The following ZSCAN29 variants were observed in gnomAD, a reference collection of about 807,000 sequenced individuals.
ZSCAN29 encodes zinc finger and SCAN domain containing 29, also known as zinc finger and SCAN domain-containing protein 29.
ZSCAN29 carries 55 observed loss-of-function variants against 71.9 expected under a neutral mutation model. The ratio of observed to expected loss-of-function variants is 0.76; its 90% CI spans 0.62 to 0.96. ZSCAN29 has a LOEUF of 0.96. Among genes scored for constraint, ZSCAN29 ranks in the 40% least tolerant of loss-of-function variants. ZSCAN29 has a pLI of 0.00. For missense variants in ZSCAN29, 1,042 were observed against 1,042.2 expected (o/e 1.00, Z 0.00); for synonymous variants, 351 against 371.6 (o/e 0.94, Z 0.64).
In ZSCAN29 at chr15:43,364,307, C is replaced by T. The variant is rs751019557; in HGVS notation, c.1298G>A (p.Arg433Gln). 1.8e-5 allele frequency: 29 copies of T among 1,614,004 alleles called. No individual in the cohort carries two copies. The Admixed American group carries it at 2.2e-4, about 12-fold the overall frequency. Residue 433 changes from arginine (R) to glutamine (Q), a missense_variant, in exon 5 of 6, where the codon CGG (arginine) becomes CAG (glutamine). Physicochemically the swap from Arg to Gln is conservative, Grantham distance 43. Transcript: ENST00000684362. ...LSETQFYEAL[R>Q]NCHRNSQLYG... ...CAGCTGGCTGTTGCGGTGACAGTTC[C>T]GGAGGGCTTCATAAAACTGGGTCTC...
In ZSCAN29 at chr15:43,366,645, GCTT is replaced by G. The variant is rs768265978; in HGVS notation, c.684_686del (p.Arg228del). 7 of 1,614,218 alleles carry G rather than the reference GCTT, an allele frequency of 4.3e-6. No homozygotes were observed. The highest frequency in any genetic ancestry group is 2.5e-6 in the Non-Finnish European group (3 of 1,180,048). On this transcript the variant is annotated inframe_deletion, in exon 4 of 6. Transcript: ENST00000684362. ...AGCTCCAGTGATCCTGTTCCACCCA[GCTT>G]CTTCTATCTTTCTTGGATGGTAACA...
chr15:43,363,195 T>TC, intron 5 of ZSCAN29, among the ~76,000 whole-genome samples: 1 of 152,120 alleles, frequency 6.6e-6, no homozygotes, highest in South Asian at 2.1e-4. Flanking sequence ...GTCAGGCTGC[T>TC]TTCCAACTCC....
intron 4 of ZSCAN29, 34 bp downstream of exon 4, chr15:43,366,076 T>C: frequency 6.4e-7 from 1 of 1,557,788 alleles, no homozygotes; most frequent in Non-Finnish European, 8.7e-7. Context: ...TCCCCAAGTC[T>C]AATTCCAAAA....
In ZSCAN29 at chr15:43,371,012, A is replaced by G. The variant is rs537713598; in HGVS notation, c.-567T>C. 711 of 218,784 alleles carry G rather than the reference A, an allele frequency of 3.2e-3. 4 individuals carry two copies. Among genetic ancestry groups the G allele is most frequent in the African/African-American group, 0.015 (639 of 41,596 alleles). 13.6% of individuals were successfully genotyped at this position (218,784 alleles called of 1,614,324 possible). ...GCCCCGGCCCCGGCCCCGGCTCTCC[A>G]GCCTCCCAAGTACAGCTCCCAAACC... On this transcript the variant is annotated 5_prime_UTR_variant, in exon 1 of 6. Coordinates refer to ENST00000684362, the MANE Select transcript of ZSCAN29 (RefSeq NM_001372080.1).
In ZSCAN29 at chr15:43,361,377, T is replaced by C; in HGVS notation, c.2255A>G (p.His752Arg). The change falls in exon 6 of 6, where the codon CAC becomes CGC. Residue 752 changes from histidine (H) to arginine (R), a missense_variant. Physicochemically the swap from His to Arg is conservative, Grantham distance 29 (BLOSUM62 0). Transcript: ENST00000684362. ...CFNQSSSLII[H>R]QRTHTGEKPY... ...CTTTTCTCCTGTGTGGGTTCTCTGG[T>C]GAATGATAAGGCTTGAGCTCTGATT... The C allele has an allele frequency of 6.2e-7, 1 of 1,614,214 alleles. No homozygotes were observed. The highest frequency in any genetic ancestry group is 8.5e-7 in the Non-Finnish European group (1 of 1,180,032).
chr15:43,364,046 G>T lies in ZSCAN29; in HGVS notation c.1559C>A (p.Ala520Asp). The T allele has an allele frequency of 3.1e-6, 5 of 1,614,132 alleles. No individual in the cohort carries two copies. The highest frequency in any genetic ancestry group is 4.2e-6 in the Non-Finnish European group (5 of 1,180,038). ...ASCPVQGTSEAEAQKQAEEAD... is the reference protein window; with the variant it reads ...ASCPVQGTSEDEAQKQAEEAD... ...TTCCTCAGCTTGCTTCTGAGCTTCA[G>T]CCTCACTGGTCCCCTGGACGGGGCA... The change falls in exon 5 of 6, where the codon GCT becomes GAT. Residue 520 changes from alanine (A) to aspartate (D), a missense_variant. Transcript: ENST00000684362.
In ZSCAN29 at chr15:43,363,921, G is replaced by A. The variant is rs1265819008; in HGVS notation, c.1684C>T (p.Pro562Ser). 6.3e-7 allele frequency: 1 copy of A among 1,590,056 alleles called. No homozygotes were observed. The highest frequency in any genetic ancestry group is 2.3e-5 in the East Asian group (1 of 44,428). The change falls in exon 5 of 6, where the codon CCC becomes TCC. Residue 562 changes from proline to serine, a missense_variant. Transcript: ENST00000684362. ...AATAGTGAAATAATCTTACCACGGG[G>A]GCTTTGGAATAACACTGGAGCACGG... is the stretch of plus-strand genomic sequence containing the variant. ...ITRAPVLFQS[P>S]RGFEAGFENE...
Position 43,366,304 on chromosome 15 carries a change from A to C in ZSCAN29, c.1028T>G (p.Leu343Arg). ...GCCAGAGTGAGAGGCTGCTGCTTCC[A>C]GGCCATTACTGGGCAGGGCAATGAC... ...AQVIALPSNG[L>R]EAAASHSGLV... Residue 343 changes from leucine (L) to arginine (R), a missense_variant, in exon 4 of 6, where the codon CTG (leucine) becomes CGG (arginine). Physicochemically the swap from Leu to Arg is moderately radical, Grantham distance 102. Transcript: ENST00000684362. 3.7e-6 allele frequency: 6 copies of C among 1,613,070 alleles called. No individual in the cohort carries two copies. Among genetic ancestry groups the C allele is most frequent in the Non-Finnish European group, 4.2e-6 (5 of 1,180,028 alleles).
rs748063134 is a variant in ZSCAN29 at position 43,359,304 on chromosome 15, G to A, written c.*1769C>T. The A allele has an allele frequency of 2.0e-5, 3 of 152,278 alleles. No homozygotes were observed. Among genetic ancestry groups the A allele is most frequent in the Non-Finnish European group, 4.4e-5 (3 of 68,058 alleles). The allele number at this position is 152,278 out of a possible 1,614,324, so 9.4% of individuals were successfully genotyped here. A position where few individuals can be genotyped will look rare whatever the true frequency, so the allele number is the denominator to read the frequency against. ...CATGTGCACTTGTTTGTCCATGTCA[G>A]TGTCATCTGCTTTAGATTGTAAGGA... On this transcript the variant is annotated 3_prime_UTR_variant, in exon 6 of 6. Transcript: ENST00000684362.
intron 2 of ZSCAN29, 89 bp downstream of exon 2, chr15:43,369,507 C>A: frequency 7.1e-7 from 1 of 1,402,416 alleles, no homozygotes; most frequent in Non-Finnish European, 9.8e-7. Flanking sequence ...CCAAGGGAGA[C>A]TGTGTCCCTC....
intron 5 of ZSCAN29, 41 bp from the exon 6 acceptor site, chr15:43,361,982 A>G (rs1458188132): frequency 1.3e-6 from 2 of 1,561,184 alleles, no homozygotes; most frequent in African/African-American, 2.7e-5. Context: ...TATTTTCTTA[A>G]TCATATGTGC....
intron 4 of ZSCAN29, among the ~76,000 whole-genome samples, chr15:43,364,802 C>T (rs539846041): frequency 2.2e-4 from 32 of 144,712 alleles, no homozygotes; most frequent in Admixed American, 2.2e-3. Flanking sequence ...GCATGAGAAT[C>T]GAGAATCGCT....
At chr15:43,366,855 A>G in intron 3 of ZSCAN29, 47 bp from the exon 4 acceptor site, 1 of 1,509,958 alleles carries the variant, frequency 6.6e-7, no homozygotes. Flanking sequence ...TGGACTGATT[A>G]TCACAAAAAT....
At chr15:43,367,232 A>T (rs1012344909) in intron 3 of ZSCAN29, among the ~76,000 whole-genome samples, 1 of 152,120 alleles carries the variant, frequency 6.6e-6, no homozygotes, top group Non-Finnish European at 1.5e-5. Flanking sequence ...AAAGGTGTTC[A>T]CCTTAGTAGT....
chr15:43,361,398 T>C lies in ZSCAN29; in HGVS notation c.2234A>G (p.Gln745Arg). ...CTGGTGAATGATAAGGCTTGAGCTC[T>C]GATTGAAGCATTTCCCACACTCACC... ...QCGECGKCFN[Q>R]SSSLIIHQRT... Residue 745 changes from glutamine to arginine, a missense_variant, in exon 6 of 6, where the codon CAG becomes CGG. Physicochemically the swap from Gln to Arg is conservative, Grantham distance 43 (BLOSUM62 1). Transcript: ENST00000684362. The C allele has an allele frequency of 6.2e-7, 1 of 1,614,238 alleles. No homozygotes were observed. Among genetic ancestry groups the C allele is most frequent in the Non-Finnish European group, 8.5e-7 (1 of 1,180,030 alleles).
chr15:43,359,985 A>T lies in ZSCAN29; in HGVS notation c.*1088T>A, dbSNP rs960625806. 7.2e-5 allele frequency: 11 copies of T among 152,308 alleles called. No individual in the cohort carries two copies. The highest frequency in any genetic ancestry group is 2.6e-4 in the African/African-American group (11 of 41,562). The allele number at this position is 152,308 out of a possible 1,614,324, so 9.4% of individuals were successfully genotyped here. ...GGTAAATGAAGAGGGTGCCTGACAA[A>T]TATGTCATTTTGAGCACAGGTTTAA... is the stretch of plus-strand genomic sequence containing the variant. On this transcript the variant is annotated 3_prime_UTR_variant, in exon 6 of 6. Coordinates refer to ENST00000684362, the MANE Select transcript of ZSCAN29 (RefSeq NM_001372080.1).
chr15:43,368,135 T>C (rs1412822678), intron 3 of ZSCAN29, among the ~76,000 whole-genome samples: 1 of 152,200 alleles, frequency 6.6e-6, no homozygotes, highest in African/African-American at 2.4e-5. Context: ...TAACAGACTT[T>C]CAGGAAAATA....
chr15:43,369,651 T>C lies in ZSCAN29; in HGVS notation c.263A>G (p.Glu88Gly). Reference sequence around the variant, plus strand: ...TAAATCTTCCACGAGAGTCACTGCCTCCTCTCCATTTTCTGGACATTGTTC... The same window carrying C: ...TAAATCTTCCACGAGAGTCACTGCCCCCTCTCCATTTTCTGGACATTGTTC... The part of the protein sequence containing the change: ...VQEQCPENGE[E>G]AVTLVEDLER... The change falls in exon 2 of 6, where the codon GAG becomes GGG. Residue 88 changes from glutamate to glycine, a missense_variant. Transcript: ENST00000684362. 3.1e-6 allele frequency: 5 copies of C among 1,614,170 alleles called. No individual in the cohort carries two copies. The highest frequency in any genetic ancestry group is 4.2e-6 in the Non-Finnish European group (5 of 1,180,016).
chr15:43,361,399 G>A lies in ZSCAN29; in HGVS notation c.2233C>T (p.Gln745Ter), dbSNP rs1296111851. 3 of 1,613,848 alleles carry A rather than the reference G, an allele frequency of 1.9e-6. No individual in the cohort carries two copies. The highest frequency in any genetic ancestry group is 2.5e-6 in the Non-Finnish European group (3 of 1,179,962). The change falls in exon 6 of 6, where the codon CAG becomes TAG. Residue 745 changes from glutamine to a stop codon, truncating the protein, a stop_gained. Coordinates refer to ENST00000684362, the MANE Select transcript of ZSCAN29 (RefSeq NM_001372080.1). LOFTEE classifies it high-confidence loss of function. ...TGGTGAATGATAAGGCTTGAGCTCT[G>A]ATTGAAGCATTTCCCACACTCACCA... ...QCGECGKCFN[Q>*]SSSLIIHQRT...
Sources: allele counts gnomAD v4.1 joint callset (sites outside exome capture counted in the v4.1 genomes callset), GRCh38; gene constraint gnomAD v4.1.1; transcripts MANE v1.5; gene names NCBI Gene and HGNC (gene_info 2026-07-23, HGNC 2026-07-21).